Variants in DMD observed in about 807,000 individuals in gnomAD.
DMD encodes the protein mutant dystrophin.
In DMD, 63 loss-of-function variants were observed where a neutral mutation model predicts 330.1. The ratio of observed to expected loss-of-function variants is 0.19; its 90% CI spans 0.16 to 0.24. The LOEUF (loss-of-function observed/expected upper bound fraction) is 0.24. DMD is among the 10% of genes least tolerant of loss of function. The probability of loss-of-function intolerance (pLI) is 1.00; values close to 1 mark genes in which losing one functional copy is unlikely to be tolerated. For missense variants in DMD, 3,344 were observed against 2,684.1 expected, an observed-to-expected ratio of 1.25 and a Z score of -5.43; for synonymous variants, 1,223 against 959.8, an observed-to-expected ratio of 1.27 and a Z score of -5.07.
intron 23 of DMD, among the ~76,000 whole-genome samples, chrX:32,465,933 T>C (rs939027777): frequency 1.8e-5 from 2 of 111,300 alleles, no homozygotes; most frequent in Non-Finnish European, 3.8e-5. Context: ...CGTTTTGATA[T>C]CTGCCTCGGT....
chrX:31,935,308 A>T (rs189263319), intron 45 of DMD, among the ~76,000 whole-genome samples: 21 of 111,633 alleles, frequency 1.9e-4, no homozygotes, highest in African/African-American at 6.2e-4. Flanking sequence ...TGGGACACGG[A>T]GTACAGAGGA....
At chrX:32,597,459 T>A (rs989631603) in intron 12 of DMD, among the ~76,000 whole-genome samples, 2 of 111,763 alleles carry the variant, frequency 1.8e-5, no homozygotes, top group Non-Finnish European at 3.8e-5. Flanking sequence ...TGTTCCTTCC[T>A]GATTGCACAA....
At chrX:31,427,062 G>C (rs753586947) in intron 60 of DMD, among the ~76,000 whole-genome samples, 1 of 111,990 alleles carries the variant, frequency 8.9e-6, no homozygotes, top group African/African-American at 3.2e-5. Context: ...CAAATGTAAA[G>C]AGTCAAAAGA....
chrX:32,850,873 A>G (rs749414141), intron 2 of DMD, among the ~76,000 whole-genome samples: 1 of 111,773 alleles, frequency 8.9e-6, no homozygotes, highest in Admixed American at 9.6e-5. Flanking sequence ...GTACTGAATC[A>G]TATGCTAGTA....
chrX:33,113,321 T>C (rs1000189024), intron 1 of DMD, among the ~76,000 whole-genome samples: 2 of 111,065 alleles, frequency 1.8e-5, no homozygotes, highest in African/African-American at 6.5e-5. Flanking sequence ...CCGCCCAAAG[T>C]GCTGGGATTA....
At chrX:31,317,817 A>C (rs966665375) in intron 62 of DMD, among the ~76,000 whole-genome samples, 1 of 111,555 alleles carries the variant, frequency 9.0e-6, no homozygotes, top group East Asian at 2.8e-4. Flanking sequence ...GGCCTGAGGA[A>C]ATGTTTTCTA....
At chrX:31,393,370 T>C (rs1752412186) in intron 60 of DMD, among the ~76,000 whole-genome samples, 1 of 105,685 alleles carries the variant, frequency 9.5e-6, no homozygotes, top group Admixed American at 1.1e-4. Flanking sequence ...CCAGCTACTC[T>C]GGAGGCTGAG....
intron 7 of DMD, among the ~76,000 whole-genome samples, chrX:32,738,432 C>T (rs763332745): frequency 9.0e-6 from 1 of 111,632 alleles, no homozygotes; most frequent in Non-Finnish European, 1.9e-5. Flanking sequence ...CTCTCCTCAA[C>T]AGTTTGCTTC....
At chrX:32,720,728 A>G (rs892903793) in intron 7 of DMD, among the ~76,000 whole-genome samples, 3 of 111,850 alleles carry the variant, frequency 2.7e-5, no homozygotes, top group Non-Finnish European at 5.7e-5. Context: ...AATCTTTCTC[A>G]TAATGTATGC....
At chrX:33,198,588 G>T (rs973892748) in intron 1 of DMD, among the ~76,000 whole-genome samples, 21 of 111,358 alleles carry the variant, frequency 1.9e-4, no homozygotes, top group Non-Finnish European at 3.8e-4. Flanking sequence ...GTAAACATCT[G>T]TAATTATGTT....
chrX:31,934,611 T>C (rs1483518038), intron 45 of DMD, among the ~76,000 whole-genome samples: 1 of 111,422 alleles, frequency 9.0e-6, no homozygotes, highest in African/African-American at 3.3e-5. Flanking sequence ...TTTTAACCTA[T>C]CCCGAATATA....
intron 7 of DMD, among the ~76,000 whole-genome samples, chrX:32,757,861 T>A (rs2071705659): frequency 8.9e-6 from 1 of 111,873 alleles, no homozygotes; most frequent in Non-Finnish European, 1.9e-5. Context: ...TTGCACTGTA[T>A]CCCATCAACC....
chrX:32,133,152 G>C (rs2096707738), intron 44 of DMD, among the ~76,000 whole-genome samples: 1 of 109,110 alleles, frequency 9.2e-6, no homozygotes, highest in East Asian at 2.9e-4. Flanking sequence ...GGGACTACAG[G>C]TGTGTGCCAC....
intron 50 of DMD, among the ~76,000 whole-genome samples, chrX:31,791,488 T>A: frequency 9.0e-6 from 1 of 111,167 alleles, no homozygotes; most frequent in Non-Finnish European, 1.9e-5. Flanking sequence ...ATTGCCAACA[T>A]CTGTGATGAT....
chrX:32,521,486 A>G (rs1050009812), intron 17 of DMD, among the ~76,000 whole-genome samples: 2 of 111,787 alleles, frequency 1.8e-5, no homozygotes, highest in African/African-American at 6.5e-5. Flanking sequence ...TTCATTACCA[A>G]TCATCTTCTA....
At chrX:32,130,878 T>A (rs765181113) in intron 44 of DMD, among the ~76,000 whole-genome samples, 2 of 112,171 alleles carry the variant, frequency 1.8e-5, no homozygotes, top group South Asian at 7.4e-4. Flanking sequence ...CATATTGATA[T>A]TTAAAAATTG....
chrX:32,841,657 G>C (rs767727464), intron 4 of DMD, among the ~76,000 whole-genome samples: 1 of 111,759 alleles, frequency 8.9e-6, no homozygotes, highest in African/African-American at 3.2e-5. Context: ...TAAATACTGA[G>C]TCTTAACCTA....
intron 30 of DMD, among the ~76,000 whole-genome samples, chrX:32,404,140 GC>G (rs1433813391): frequency 2.9e-4 from 33 of 112,073 alleles, no homozygotes; most frequent in African/African-American, 9.7e-4. Context: ...ATAAGATTTA[GC>G]TTCTTTGATA....
At chrX:32,382,210 G>A (rs1157040143) in intron 33 of DMD, among the ~76,000 whole-genome samples, 3 of 111,534 alleles carry the variant, frequency 2.7e-5, no homozygotes, top group African/African-American at 3.2e-5. Flanking sequence ...GGCTTTTGTT[G>A]CTAAGAAATC....
Sources: allele counts gnomAD v4.1 joint callset (sites outside exome capture counted in the v4.1 genomes callset), GRCh38; gene constraint gnomAD v4.1.1; transcripts MANE v1.5; gene names NCBI Gene and HGNC (gene_info 2026-07-23, HGNC 2026-07-21).